AOPEP: variants seen among roughly 807,000 people sequenced by gnomAD.
AOPEP encodes aminopeptidase O (putative).
In AOPEP, 77 loss-of-function variants were observed where a neutral mutation model predicts 98.1. That is an observed-to-expected ratio of 0.78 (90% CI 0.65 to 0.95). AOPEP has a LOEUF of 0.95. Ranked by LOEUF, AOPEP falls within the 40% of genes least tolerant of loss-of-function variation. The pLI is 0.00. For missense variants in AOPEP, 1,024 were observed against 1,024.7 expected, an observed-to-expected ratio of 1.00 and a Z score of 0.01; for synonymous variants, 346 against 365.3, an observed-to-expected ratio of 0.95 and a Z score of 0.60.
chr9:95,129,490 T>C, the AOPEP span, among the ~76,000 whole-genome samples: 1 of 152,226 alleles, frequency 6.6e-6, no homozygotes, highest in Non-Finnish European at 1.5e-5. Flanking sequence ...TCCTGTTTTA[T>C]TTGTAAGGTG....
At chr9:95,034,980 T>C (rs1457799836) in intron 13 of AOPEP, among the ~76,000 whole-genome samples, 1 of 2,738 alleles carries the variant, frequency 3.7e-4, no homozygotes, top group Non-Finnish European at 0.019. Context: ...TTCTTTTTTC[T>C]TTTTTTTTTT....
intron 7 of AOPEP, among the ~76,000 whole-genome samples, chr9:94,951,885 T>C (rs2058123208): frequency 6.6e-6 from 1 of 152,136 alleles, no homozygotes. Flanking sequence ...TTTCCCCCTT[T>C]ATAAGGAAAG....
At chr9:94,782,074 T>A (rs1287101622) in intron 3 of AOPEP, among the ~76,000 whole-genome samples, 1 of 151,310 alleles carries the variant, frequency 6.6e-6, no homozygotes, top group African/African-American at 2.4e-5. Context: ...GCGCGTGTAA[T>A]CCCAGCTACT....
chr9:94,730,985 T>A (rs537859009), intron 1 of AOPEP, among the ~76,000 whole-genome samples: 33 of 152,362 alleles, frequency 2.2e-4, no homozygotes, highest in Non-Finnish European at 3.1e-4. Context: ...TTGTTGGCGC[T>A]GAGTAGGTCA....
At chr9:94,856,016 A>G (rs746596123) in intron 5 of AOPEP, among the ~76,000 whole-genome samples, 18 of 152,084 alleles carry the variant, frequency 1.2e-4, no homozygotes, top group Non-Finnish European at 2.5e-4. Context: ...GGTTGCTCAC[A>G]CCCTATGTTC....
At position 94,859,038 on chromosome 9, in the gene AOPEP, A is replaced by AAAAAAAAAAAG. The variant is rs77152132; in HGVS notation, c.1364+58037_1364+58038insAAAAAAAAAGA. On this transcript the variant is annotated intron_variant, in intron 5 of 16. Coordinates refer to ENST00000375315, the MANE Select transcript of AOPEP (RefSeq NM_001193329.3). ...GCGAGACTCCATTTCAAAAAAAAAG[A>AAAAAAAAAAAG]AGACCTGGAAGTGGAGGTTGCAGTG... Among the ~76,000 whole-genome samples the AAAAAAAAAAAG allele has an allele frequency of 9.9e-5, 15 of 151,488 alleles. 1 individual carries two copies. Among genetic ancestry groups the AAAAAAAAAAAG allele is most frequent in the African/African-American group, 3.6e-4 (15 of 41,172 alleles).
At chr9:94,771,731 G>C (rs1414692046) in intron 2 of AOPEP, among the ~76,000 whole-genome samples, 1 of 150,192 alleles carries the variant, frequency 6.7e-6, no homozygotes, top group African/African-American at 2.5e-5. Context: ...TGTGGTCCCA[G>C]CTCCCCCTGG....
At chr9:94,854,995 C>G (rs1158584093) in intron 5 of AOPEP, among the ~76,000 whole-genome samples, 6 of 152,314 alleles carry the variant, frequency 3.9e-5, no homozygotes, top group Admixed American at 2.6e-4. Context: ...TATACATACT[C>G]TAAACAGTAC....
In AOPEP at chr9:94,928,411, C is replaced by T. The variant is rs138602742; in HGVS notation, c.1555-14C>T. On this transcript the variant is annotated splice_polypyrimidine_tract_variant and intron_variant, in intron 6 of 16. Transcript: ENST00000375315. ...GTTTTGTGCATGTGTGTCTGTGTGT[C>T]TGTGGCTGAGCAGCTGGCCCCCTAT... 3.2e-4 allele frequency: 494 copies of T among 1,537,654 alleles called. 1 individual carries two copies. The African/African-American group carries it at 6.2e-3, about 19-fold the overall frequency.
intron 11 of AOPEP, among the ~76,000 whole-genome samples, chr9:95,002,097 G>A (rs116173859): frequency 2.4e-4 from 37 of 152,110 alleles, no homozygotes; most frequent in African/African-American, 8.2e-4. Context: ...AAGTTACCCT[G>A]GCAATATAAC....
At chr9:94,873,757 TC>T (rs1227361969) in intron 5 of AOPEP, among the ~76,000 whole-genome samples, 3 of 152,246 alleles carry the variant, frequency 2.0e-5, no homozygotes, top group Admixed American at 6.5e-5. Flanking sequence ...TAATATTTTT[TC>T]AAGCAACTTC....
chr9:94,942,107 C>T (rs904223793), intron 7 of AOPEP, among the ~76,000 whole-genome samples: 6 of 152,148 alleles, frequency 3.9e-5, no homozygotes, highest in African/African-American at 7.2e-5. Flanking sequence ...TAAAATATTT[C>T]GTACAAAATT....
At chr9:94,735,660 G>A (rs1831586454) in intron 1 of AOPEP, among the ~76,000 whole-genome samples, 1 of 152,114 alleles carries the variant, frequency 6.6e-6, no homozygotes, top group Non-Finnish European at 1.5e-5. Context: ...TAAAGTAACA[G>A]CTTTATTGAG....
At chr9:95,141,626 C>T in the AOPEP span, among the ~76,000 whole-genome samples, 3 of 152,112 alleles carry the variant, frequency 2.0e-5, no homozygotes. Flanking sequence ...ATGGCTACAG[C>T]GATGCTGAGG....
downstream of AOPEP, among the ~76,000 whole-genome samples, chr9:95,092,098 TAG>T (rs2070875902): frequency 3.3e-5 from 5 of 150,226 alleles, no homozygotes; most frequent in Admixed American, 2.0e-4. Flanking sequence ...ACACACACAC[TAG>T]TAGGGAGAGG....
chr9:94,801,000 C>T lies in AOPEP; in HGVS notation c.1362C>T (p.Ala454=). ...VPANFPSLGM[A]SPHIMFLSQS... ...CCAACTTTCCAAGTCTGGGGATGGC[C>T]AGGTATGTTGTTCCATTGTGGCACT... The change falls in exon 5 of 17, where the codon GCC becomes GCT. Residue 454 remains alanine, a splice_region_variant and synonymous_variant. Transcript: ENST00000375315. 3 of 1,614,072 alleles carry T rather than the reference C, an allele frequency of 1.9e-6. No individual in the cohort carries two copies. Among genetic ancestry groups the T allele is most frequent in the Non-Finnish European group, 2.5e-6 (3 of 1,179,942 alleles).
chr9:95,095,780 G>C, the AOPEP span, among the ~76,000 whole-genome samples: 2 of 150,584 alleles, frequency 1.3e-5, no homozygotes, highest in East Asian at 4.0e-4. Flanking sequence ...CATCCTCTCA[G>C]CTCCCCTTCC....
chr9:94,936,269 T>A (rs953829701), intron 7 of AOPEP, among the ~76,000 whole-genome samples: 4 of 152,322 alleles, frequency 2.6e-5, no homozygotes, highest in African/African-American at 9.6e-5. Flanking sequence ...TAGTGTGGCA[T>A]GCAAGTCCCT....
At position 94,786,874 on chromosome 9, in the gene AOPEP, C is replaced by A. The variant is rs1844546557; in HGVS notation, c.965-5891C>A. Among the ~76,000 whole-genome samples, 3 of 152,184 alleles carry A rather than the reference C, an allele frequency of 2.0e-5. No individual in the cohort carries two copies. In the South Asian group the frequency reaches 6.2e-4, roughly 32 times the overall value. The stretch of plus-strand genomic sequence containing the variant: ...TTCTTATTTGGCCCAGCCAATTGAT[C>A]TGCCCCGATTTGACTGTCACTTGGT... On this transcript the variant is annotated intron_variant, in intron 3 of 16. Transcript: ENST00000375315.
Sources: allele counts gnomAD v4.1 joint callset (sites outside exome capture counted in the v4.1 genomes callset), GRCh38; gene constraint gnomAD v4.1.1; transcripts MANE v1.5; gene names NCBI Gene and HGNC (gene_info 2026-07-23, HGNC 2026-07-21).